Variants in SOX5 observed in about 807,000 individuals in gnomAD.
SOX5 encodes SRY-box transcription factor 5.
SOX5 carries 9 observed loss-of-function variants against 92.0 expected under a neutral mutation model. The ratio of observed to expected loss-of-function variants is 0.10; its 90% CI spans 0.06 to 0.17. The LOEUF (loss-of-function observed/expected upper bound fraction) is 0.17. SOX5 is among the 10% of genes least tolerant of loss of function. SOX5 has a pLI of 1.00. For missense variants in SOX5, 642 were observed against 944.5 expected (o/e 0.68, Z 4.20); for synonymous variants, 344 against 336.3 (o/e 1.02, Z -0.25).
chr12:24,530,262 C>T (rs1174031720), intron 1 of SOX5, among the ~76,000 whole-genome samples: 1 of 152,078 alleles, frequency 6.6e-6, no homozygotes, highest in Non-Finnish European at 1.5e-5. Context: ...CGCACTAAAC[C>T]TAATTTTACA....
chr12:24,535,410 C>T (rs1420079317), intron 1 of SOX5, among the ~76,000 whole-genome samples: 2 of 152,102 alleles, frequency 1.3e-5, no homozygotes, highest in African/African-American at 2.4e-5. Context: ...AATTTGCTTT[C>T]TTTTGTGAGA....
At chr12:24,420,779 T>C (rs942955169) in intron 1 of SOX5, among the ~76,000 whole-genome samples, 1 of 152,136 alleles carries the variant, frequency 6.6e-6, no homozygotes, top group Non-Finnish European at 1.5e-5. Flanking sequence ...TATTGATAAC[T>C]AATATTAAAA....
At chr12:23,582,086 GA>G in intron 9 of SOX5, 1 of 897,312 alleles carries the variant, frequency 1.1e-6, no homozygotes, top group African/African-American at 1.8e-5. Flanking sequence ...CCTCTCTGAT[GA>G]AATGATCGTA....
intron 4 of SOX5, among the ~76,000 whole-genome samples, chr12:24,020,124 A>G (rs1423415177): frequency 6.6e-6 from 1 of 152,162 alleles, no homozygotes; most frequent in East Asian, 1.9e-4. Context: ...AATTTTGACT[A>G]ATCAATGTTG....
intron 1 of SOX5, among the ~76,000 whole-genome samples, chr12:24,503,286 A>G (rs543570871): frequency 2.6e-5 from 4 of 152,344 alleles, no homozygotes; most frequent in Non-Finnish European, 5.9e-5. Context: ...AATTCCAACA[A>G]ATAGGGAGGC....
intron 3 of SOX5, among the ~76,000 whole-genome samples, chr12:24,266,230 A>G (rs1238547396): frequency 6.6e-6 from 1 of 152,074 alleles, no homozygotes; most frequent in Non-Finnish European, 1.5e-5. Context: ...GCCCATTTTT[A>G]ATAAACAGGT....
At chr12:24,242,793 G>A (rs1283810395) in intron 3 of SOX5, among the ~76,000 whole-genome samples, 1 of 152,098 alleles carries the variant, frequency 6.6e-6, no homozygotes. Context: ...CTTTCTGAGG[G>A]CAATTTGGCA....
chr12:23,835,147 A>G (rs887578807), intron 3 of SOX5, among the ~76,000 whole-genome samples: 5 of 151,860 alleles, frequency 3.3e-5, no homozygotes, highest in Non-Finnish European at 7.4e-5. Flanking sequence ...ATAGTCATCT[A>G]CCTTTACTTA....
chr12:24,024,026 A>G (rs1258903207), intron 4 of SOX5, among the ~76,000 whole-genome samples: 1 of 152,086 alleles, frequency 6.6e-6, no homozygotes, highest in Non-Finnish European at 1.5e-5. Flanking sequence ...GATTTTAATT[A>G]TGCTGTTATT....
chr12:24,373,841 T>A lies in SOX5; in HGVS notation c.-250-5202A>T, dbSNP rs1956980218. ...CAGTTCCATATCATGTAAGTCTTAT[T>A]CTTGCTGTCCCTAGATTAATGGCCT... On this transcript the variant is annotated intron_variant, in intron 1 of 4. Transcript: ENST00000446891. 1.1e-4 allele frequency among the ~76,000 whole-genome samples: 17 copies of A among 152,348 alleles called. No individual in the cohort carries two copies. The South Asian group carries it at 3.1e-3, about 28-fold the overall frequency.
chr12:24,350,782 G>A (rs542172884), intron 2 of SOX5, among the ~76,000 whole-genome samples: 4 of 152,334 alleles, frequency 2.6e-5, no homozygotes, highest in African/African-American at 9.6e-5. Flanking sequence ...GCTAGGTGCA[G>A]TGGTTCATGC....
chr12:24,485,065 T>C (rs922151217), intron 1 of SOX5, among the ~76,000 whole-genome samples: 2 of 152,062 alleles, frequency 1.3e-5, no homozygotes, highest in Admixed American at 6.6e-5. Flanking sequence ...AATAAGAGTA[T>C]TTAGGTATTA....
At chr12:24,117,907 A>G (rs949360022) in intron 4 of SOX5, among the ~76,000 whole-genome samples, 1 of 151,110 alleles carries the variant, frequency 6.6e-6, no homozygotes, top group Non-Finnish European at 1.5e-5. Flanking sequence ...GTAATCCCAG[A>G]TACTCGGAGA....
At chr12:23,982,855 A>T (rs1378531319) in intron 4 of SOX5, among the ~76,000 whole-genome samples, 1 of 152,162 alleles carries the variant, frequency 6.6e-6, no homozygotes, top group Non-Finnish European at 1.5e-5. Flanking sequence ...AATCCAGTAT[A>T]TAGGTAGCAC....
intron 2 of SOX5, among the ~76,000 whole-genome samples, chr12:24,362,683 G>T (rs768642082): frequency 6.6e-6 from 1 of 152,020 alleles, no homozygotes; most frequent in Non-Finnish European, 1.5e-5. Context: ...GTAAGGAGTC[G>T]ACACCAGGAA....
chr12:23,830,240 T>C (rs985167746), intron 3 of SOX5, among the ~76,000 whole-genome samples: 9 of 152,172 alleles, frequency 5.9e-5, no homozygotes, highest in African/African-American at 2.2e-4. Context: ...CTTCTTGTCC[T>C]GACCTTTAAA....
chr12:24,352,415 C>A (rs1223743663), intron 2 of SOX5, among the ~76,000 whole-genome samples: 1 of 152,118 alleles, frequency 6.6e-6, no homozygotes, highest in Non-Finnish European at 1.5e-5. Flanking sequence ...TCAGTGGAGT[C>A]ACAACAGCGG....
At chr12:24,036,984 G>A (rs927957065) in intron 4 of SOX5, among the ~76,000 whole-genome samples, 1 of 152,058 alleles carries the variant, frequency 6.6e-6, no homozygotes. Context: ...TGTTATCAAT[G>A]TAAAGGCAAT....
At chr12:24,106,802 AT>A (rs1310416152) in intron 4 of SOX5, among the ~76,000 whole-genome samples, 1 of 82,150 alleles carries the variant, frequency 1.2e-5, no homozygotes, top group African/African-American at 3.2e-5. Flanking sequence ...AATAATAATA[AT>A]AATAATAATA....
Sources: allele counts gnomAD v4.1 joint callset (sites outside exome capture counted in the v4.1 genomes callset), GRCh38; gene constraint gnomAD v4.1.1; transcripts MANE v1.5; gene names NCBI Gene and HGNC (gene_info 2026-07-23, HGNC 2026-07-21).